PHKB: variants seen among roughly 807,000 people sequenced by gnomAD.
The protein encoded by PHKB is phosphorylase b kinase regulatory subunit beta.
A neutral mutation model predicts 152.1 loss-of-function variants in PHKB; 122 were observed. That is an observed-to-expected ratio of 0.80 (90% CI 0.69 to 0.93). The LOEUF (loss-of-function observed/expected upper bound fraction) is 0.93. Ranked by LOEUF, PHKB falls within the 40% of genes least tolerant of loss-of-function variation. The pLI is 0.00. For missense variants in PHKB, 1,304 were observed against 1,328.4 expected (o/e 0.98, Z 0.29); for synonymous variants, 436 against 464.9 (o/e 0.94, Z 0.80).
At chr16:47,597,672 T>G (rs1459736380) in intron 13 of PHKB, 1 of 149,494 alleles carries the variant, frequency 6.7e-6, no homozygotes, top group African/African-American at 2.5e-5. Context: ...TTCTTTTTTC[T>G]TTTTTCTTTT....
chr16:47,532,542 G>A (rs1388422950), intron 6 of PHKB, among the ~76,000 whole-genome samples: 6 of 152,226 alleles, frequency 3.9e-5, no homozygotes, highest in African/African-American at 9.6e-5. Context: ...TGTAGGGTCT[G>A]GACACTGCAC....
intron 13 of PHKB, among the ~76,000 whole-genome samples, chr16:47,606,438 G>A (rs1234296683): frequency 1.3e-5 from 2 of 152,136 alleles, no homozygotes; most frequent in Admixed American, 6.5e-5. Flanking sequence ...GCATAGTATT[G>A]TTTTTAAGTG....
At chr16:47,613,371 A>G (rs1972461525) in intron 14 of PHKB, among the ~76,000 whole-genome samples, 1 of 152,196 alleles carries the variant, frequency 6.6e-6, no homozygotes, top group Non-Finnish European at 1.5e-5. Flanking sequence ...AGTGTTGCCA[A>G]CCAGGGAAGC....
At chr16:47,600,585 T>C (rs1388097317) in intron 13 of PHKB, among the ~76,000 whole-genome samples, 2 of 152,194 alleles carry the variant, frequency 1.3e-5, no homozygotes, top group African/African-American at 4.8e-5. Flanking sequence ...GGCTACATTC[T>C]GAGAATTGTG....
intron 12 of PHKB, among the ~76,000 whole-genome samples, chr16:47,594,790 G>C (rs1264176862): frequency 6.6e-6 from 1 of 152,180 alleles, no homozygotes; most frequent in Non-Finnish European, 1.5e-5. Context: ...AAAAAACATA[G>C]CTGAATTTTC....
At chr16:47,675,675 G>A (rs1372077907) in intron 26 of PHKB, 2 of 152,112 alleles carry the variant, frequency 1.3e-5, no homozygotes, top group African/African-American at 4.8e-5. Context: ...TAGGCCCAGT[G>A]GAATGATCCC....
rs9940964 is a variant in PHKB at position 47,600,442 on chromosome 16, T to C, written c.1363+3911T>C. Among the ~76,000 whole-genome samples the C allele has an allele frequency of 2.9e-3, 439 of 152,346 alleles. 2 individuals carry two copies. Among genetic ancestry groups the C allele is most frequent in the African/African-American group, 0.01 (417 of 41,578 alleles). On this transcript the variant is annotated intron_variant, in intron 13 of 30. Coordinates refer to ENST00000323584, the MANE Select transcript of PHKB (RefSeq NM_000293.3). ...AATAAAATGGTCATTAGTTATACTT[T>C]CAACTGTTATTCAAATTTGAAAGTT...
intron 14 of PHKB, among the ~76,000 whole-genome samples, chr16:47,626,979 G>A (rs1972721870): frequency 6.6e-6 from 1 of 152,122 alleles, no homozygotes; most frequent in African/African-American, 2.4e-5. Context: ...AAACACATCG[G>A]TTTACTGGAC....
At chr16:47,475,703 C>T (rs1008942733) in intron 1 of PHKB, among the ~76,000 whole-genome samples, 7 of 152,016 alleles carry the variant, frequency 4.6e-5, no homozygotes, top group African/African-American at 1.7e-4. Context: ...AAAAATATGT[C>T]GTATTTTTAA....
At position 47,698,604 on chromosome 16, in the gene PHKB, T is replaced by TTC. The variant is rs1246437660; in HGVS notation, c.3144+17_3144+18insCT. On this transcript the variant is annotated intron_variant, in intron 30 of 30. Coordinates refer to ENST00000323584, the MANE Select transcript of PHKB (RefSeq NM_000293.3). ...TGAAAAACAAGTAAGTACACAGCTT[T>TTC]TTTTTTTTTTTTTTTTTTGAGAATT... The TTC allele has an allele frequency of 1.2e-5, 17 of 1,472,424 alleles. No homozygotes were observed. Among genetic ancestry groups the TTC allele is most frequent in the Admixed American group, 2.2e-5 (1 of 46,194 alleles). 91.2% of individuals were successfully genotyped at this position (1,472,424 alleles called of 1,614,324 possible).
chr16:47,580,711 T>C (rs1971829837), intron 8 of PHKB, among the ~76,000 whole-genome samples: 1 of 152,130 alleles, frequency 6.6e-6, no homozygotes, highest in Non-Finnish European at 1.5e-5. Context: ...ATGTCAGTTT[T>C]CATGTTGGTT....
Position 47,527,752 on chromosome 16 carries a change from C to G in PHKB, c.594+12151C>G, listed in dbSNP as rs533313721. On this transcript the variant is annotated intron_variant, in intron 6 of 30. Transcript: ENST00000323584. ...TAAAGAGGTAAATTAAAATGAGGCC[C>G]TTGGGTGAAACCTAATCCAGTCTGA... Among the ~76,000 whole-genome samples, 147 of 152,192 alleles carry G rather than the reference C, an allele frequency of 9.7e-4. 2 individuals carry two copies. The highest frequency in any genetic ancestry group is 2.8e-4 in the Non-Finnish European group (19 of 68,012).
At chr16:47,534,267 T>C (rs1431142554) in intron 6 of PHKB, among the ~76,000 whole-genome samples, 1 of 152,228 alleles carries the variant, frequency 6.6e-6, no homozygotes, top group Non-Finnish European at 1.5e-5. Context: ...AGATTTGCCA[T>C]GGTAATGAGT....
chr16:47,476,336 A>G, intron 1 of PHKB, among the ~76,000 whole-genome samples: 1 of 152,068 alleles, frequency 6.6e-6, no homozygotes, highest in Non-Finnish European at 1.5e-5. Flanking sequence ...TTTTATATAA[A>G]TTTCTTTCTG....
chr16:47,621,358 G>C (rs1371073326), intron 14 of PHKB, among the ~76,000 whole-genome samples: 1 of 152,154 alleles, frequency 6.6e-6, no homozygotes, highest in Non-Finnish European at 1.5e-5. Flanking sequence ...TAATTTGGTA[G>C]ATACATTATA....
At chr16:47,467,923 G>A (rs187155420) in intron 1 of PHKB, among the ~76,000 whole-genome samples, 17 of 152,256 alleles carry the variant, frequency 1.1e-4, no homozygotes, top group Non-Finnish European at 1.8e-4. Context: ...ATTTCCAAAT[G>A]GGTATATGGT....
At chr16:47,689,829 G>C (rs1974029155) in intron 27 of PHKB, among the ~76,000 whole-genome samples, 1 of 152,150 alleles carries the variant, frequency 6.6e-6, no homozygotes, top group African/African-American at 2.4e-5. Context: ...AAGGAAATTT[G>C]AATAAATGGA....
intron 16 of PHKB, among the ~76,000 whole-genome samples, chr16:47,648,169 A>C (rs1005327664): frequency 5.1e-4 from 77 of 152,282 alleles, no homozygotes; most frequent in African/African-American, 1.7e-3. Context: ...ATTTAGTAGG[A>C]GATTATGGCC....
chr16:47,612,224 T>C (rs1972441649), intron 14 of PHKB, among the ~76,000 whole-genome samples: 1 of 152,334 alleles, frequency 6.6e-6, no homozygotes, highest in East Asian at 1.9e-4. Context: ...CTAATGTGTA[T>C]CACTTAAATA....
Sources: gnomAD v4.1 joint callset for allele counts (sites outside exome capture counted in the v4.1 genomes callset) on GRCh38, gnomAD v4.1.1 for gene constraint, MANE v1.5 for transcripts, NCBI Gene and HGNC (gene_info 2026-07-23, HGNC 2026-07-21) for gene names.